The following ROBO1 variants were observed in gnomAD, a reference collection of about 807,000 sequenced individuals.
The protein encoded by ROBO1 is roundabout guidance receptor 1.
A neutral mutation model predicts 195.9 loss-of-function variants in ROBO1; 149 were observed. The observed-to-expected ratio is 0.76, with a 90% CI of 0.67 to 0.87. The LOEUF is 0.87. ROBO1 is among the 40% of genes least tolerant of loss of function. ROBO1 has a pLI of 0.00. For missense variants in ROBO1, 1,933 were observed against 2,068.3 expected, an observed-to-expected ratio of 0.93 and a Z score of 1.27; for synonymous variants, 816 against 733.2, an observed-to-expected ratio of 1.11 and a Z score of -1.82.
chr3:79,554,623 G>A (rs1942635181), intron 2 of ROBO1, among the ~76,000 whole-genome samples: 1 of 151,980 alleles, frequency 6.6e-6, no homozygotes, highest in African/African-American at 2.4e-5. Flanking sequence ...AAATTTTTAA[G>A]GTATGTTGAA....
intron 4 of ROBO1, among the ~76,000 whole-genome samples, chr3:78,912,992 T>A (rs185493031): frequency 7.2e-5 from 11 of 152,150 alleles, no homozygotes; most frequent in Non-Finnish European, 7.4e-5. Context: ...ACAGAAATAG[T>A]ATATGTAAAG....
chr3:79,369,081 G>T (rs1447750245), intron 2 of ROBO1, among the ~76,000 whole-genome samples: 2 of 152,056 alleles, frequency 1.3e-5, no homozygotes, highest in African/African-American at 2.4e-5. Flanking sequence ...AGCTTCTACA[G>T]CTTATGGGGC....
chr3:78,936,082 C>A (rs1037251806), intron 4 of ROBO1, among the ~76,000 whole-genome samples: 4 of 151,816 alleles, frequency 2.6e-5, no homozygotes, highest in African/African-American at 9.7e-5. Flanking sequence ...TAAATAATCC[C>A]CCAAATAACT....
intron 3 of ROBO1, among the ~76,000 whole-genome samples, chr3:79,054,654 TA>T (rs1383172912): frequency 3.3e-5 from 5 of 152,050 alleles, no homozygotes; most frequent in Non-Finnish European, 7.4e-5. Context: ...AAATTGCACT[TA>T]AAAACTTAAA....
chr3:79,294,057 C>CAA (rs71631641), intron 2 of ROBO1, among the ~76,000 whole-genome samples: 9,097 of 28,640 alleles, frequency 0.32, 1,903 homozygotes, highest in Non-Finnish European at 0.34. Context: ...GACTCCATCT[C>CAA]AAAAAAAAAA....
intron 2 of ROBO1, among the ~76,000 whole-genome samples, chr3:79,134,281 G>A (rs909489154): frequency 7.5e-6 from 1 of 133,526 alleles, no homozygotes; most frequent in African/African-American, 2.9e-5. Context: ...AAAAACACAT[G>A]AAGAAATGCT....
intron 2 of ROBO1, among the ~76,000 whole-genome samples, chr3:79,206,127 C>T (rs554501823): frequency 6.6e-6 from 1 of 152,150 alleles, no homozygotes; most frequent in Admixed American, 6.5e-5. Context: ...TGCTGTCCTA[C>T]TCAATCCCAG....
chr3:78,747,128 G>A (rs925473144), intron 4 of ROBO1, among the ~76,000 whole-genome samples: 1 of 152,076 alleles, frequency 6.6e-6, no homozygotes, highest in Non-Finnish European at 1.5e-5. Context: ...AGGCCAGCAG[G>A]CGCGTGTATT....
intron 2 of ROBO1, among the ~76,000 whole-genome samples, chr3:79,372,578 C>A (rs1000470786): frequency 6.6e-6 from 1 of 151,940 alleles, no homozygotes; most frequent in Non-Finnish European, 1.5e-5. Flanking sequence ...CTCTCTCTTT[C>A]TCTGCCTTCC....
chr3:78,844,157 G>C (rs2033485785), intron 4 of ROBO1, among the ~76,000 whole-genome samples: 1 of 151,928 alleles, frequency 6.6e-6, no homozygotes, highest in South Asian at 2.1e-4. Context: ...TTTAAAATTT[G>C]CTTTGTACCC....
At chr3:79,310,434 G>A (rs1384758440) in intron 2 of ROBO1, among the ~76,000 whole-genome samples, 1 of 152,184 alleles carries the variant, frequency 6.6e-6, no homozygotes, top group Non-Finnish European at 1.5e-5. Context: ...GTTGAATAAA[G>A]CTGAGAATGG....
chr3:79,395,235 T>C (rs1011460268), intron 2 of ROBO1, among the ~76,000 whole-genome samples: 2 of 142,460 alleles, frequency 1.4e-5, no homozygotes, highest in African/African-American at 5.3e-5. Flanking sequence ...GGCAGGAGAA[T>C]GGAGTGAACC....
intron 1 of ROBO1, among the ~76,000 whole-genome samples, chr3:79,749,969 C>T (rs190607002): frequency 6.6e-6 from 1 of 152,302 alleles, no homozygotes; most frequent in African/African-American, 2.4e-5. Flanking sequence ...AATGGTAGAT[C>T]CACCAACAGC....
intron 2 of ROBO1, among the ~76,000 whole-genome samples, chr3:79,566,381 C>T (rs1943090790): frequency 6.6e-6 from 1 of 152,048 alleles, no homozygotes; most frequent in Admixed American, 6.6e-5. Flanking sequence ...ATTTATTTCT[C>T]AGTTCATCAT....
chr3:79,661,829 A>C (rs905985336), intron 1 of ROBO1, among the ~76,000 whole-genome samples: 33 of 152,114 alleles, frequency 2.2e-4, no homozygotes, highest in African/African-American at 7.7e-4. Flanking sequence ...AGATGCTGTC[A>C]GCTGGTTAAC....
chr3:78,802,169 A>C (rs1195318259), intron 4 of ROBO1, among the ~76,000 whole-genome samples: 1 of 152,182 alleles, frequency 6.6e-6, no homozygotes. Flanking sequence ...CAGACATTGA[A>C]GGGTGTCAGC....
chr3:79,575,126 T>C (rs36117190), intron 2 of ROBO1, among the ~76,000 whole-genome samples: 3 of 70,458 alleles, frequency 4.3e-5, no homozygotes, highest in Admixed American at 1.3e-4. Context: ...AATATATATA[T>C]AAATATATAT....
chr3:79,411,254 T>C (rs906517791), intron 2 of ROBO1, among the ~76,000 whole-genome samples: 3 of 152,114 alleles, frequency 2.0e-5, no homozygotes, highest in Non-Finnish European at 4.4e-5. Flanking sequence ...AACAACAAAT[T>C]CATAATCCTG....
chr3:79,458,762 T>G (rs1181211753), intron 2 of ROBO1, among the ~76,000 whole-genome samples: 1 of 151,872 alleles, frequency 6.6e-6, no homozygotes, highest in African/African-American at 2.4e-5. Flanking sequence ...AACAAAATGT[T>G]AATACTTTTT....
Sources: gnomAD v4.1 joint callset for allele counts (sites outside exome capture counted in the v4.1 genomes callset) on GRCh38, gnomAD v4.1.1 for gene constraint, MANE v1.5 for transcripts, NCBI Gene and HGNC (gene_info 2026-07-23, HGNC 2026-07-21) for gene names.